Variants in EOGT observed in about 807,000 individuals in gnomAD.
The protein encoded by EOGT is EGF domain specific O-linked N-acetylglucosamine transferase, also known as EGF domain-specific O-linked N-acetylglucosamine transferase.
A neutral mutation model predicts 70.5 loss-of-function variants in EOGT; 55 were observed. The observed-to-expected ratio is 0.78, with a 90% CI of 0.63 to 0.98. The LOEUF (loss-of-function observed/expected upper bound fraction) is 0.98. Among genes scored for constraint, EOGT ranks in the 50% least tolerant of loss-of-function variants. The pLI, the probability that EOGT is intolerant of heterozygous loss-of-function variation, is 0.00. For synonymous variants in EOGT, 246 were observed against 217.1 expected (o/e 1.13, Z -1.17); for missense variants, 703 against 641.9 (o/e 1.10, Z -1.03).
At chr3:68,981,701 T>C (rs572902129) in intron 15 of EOGT, among the ~76,000 whole-genome samples, 11 of 152,270 alleles carry the variant, frequency 7.2e-5, no homozygotes, top group African/African-American at 2.4e-4. Context: ...TGTAAATATT[T>C]GGTAAGTTTT....
At chr3:69,012,432 A>C (rs2091598900) in intron 2 of EOGT, 83 bp downstream of exon 2, 1 of 152,312 alleles carries the variant, frequency 6.6e-6, no homozygotes, top group Non-Finnish European at 1.5e-5. Context: ...CCCGGTAATA[A>C]AGTCATTGTT....
Position 68,976,868 on chromosome 3 carries a change from G to A in EOGT, c.*750C>T, listed in dbSNP as rs568220048. 3.3e-5 allele frequency: 5 copies of A among 152,674 alleles called. No homozygotes were observed. Among genetic ancestry groups the A allele is most frequent in the Admixed American group, 2.6e-4 (4 of 15,288 alleles). 9.5% of individuals were successfully genotyped at this position (152,674 alleles called of 1,614,324 possible). ...TTGAAAACTTTGGTATTCCTAAAAA[G>A]AGAAAGTTCAGGGCCATGCGTGGTG... On this transcript the variant is annotated 3_prime_UTR_variant, in exon 18 of 18. Coordinates refer to ENST00000383701, the MANE Select transcript of EOGT (RefSeq NM_001278689.2).
intron 4 of EOGT, among the ~76,000 whole-genome samples, chr3:69,008,781 CA>C (rs1461116849): frequency 6.6e-6 from 1 of 152,248 alleles, no homozygotes; most frequent in Non-Finnish European, 1.5e-5. Context: ...CCTAGACGCT[CA>C]AAGACCACTT....
chr3:68,979,839 A>G (rs1361114764), intron 15 of EOGT, 52 bp from the exon 16 acceptor site: 1 of 1,562,928 alleles, frequency 6.4e-7, no homozygotes, highest in Admixed American at 1.7e-5. Flanking sequence ...GAGAAGTATT[A>G]GGTTGAGTTA....
chr3:68,992,581 G>A (rs1321534021), intron 10 of EOGT, among the ~76,000 whole-genome samples: 1 of 152,144 alleles, frequency 6.6e-6, no homozygotes, highest in Non-Finnish European at 1.5e-5. Context: ...TCTTCCAGGT[G>A]CACAGTTCAA....
intron 3 of EOGT, among the ~76,000 whole-genome samples, chr3:69,011,556 C>T (rs2091576856): frequency 6.8e-6 from 1 of 146,588 alleles, no homozygotes; most frequent in Non-Finnish European, 1.5e-5. Flanking sequence ...GATCTCGCCA[C>T]TGCACTCCAG....
Position 68,978,435 on chromosome 3 carries a change from C to T in EOGT, c.1335G>A (p.Leu445=). 1 of 1,597,262 alleles carries T rather than the reference C, an allele frequency of 6.3e-7. No homozygotes were observed. Among genetic ancestry groups the T allele is most frequent in the Non-Finnish European group, 8.5e-7 (1 of 1,173,472 alleles). The stretch of plus-strand genomic sequence containing the variant: ...AACAGCGTTCATCTTCACAGTTGTA[C>T]CTAAGGACACAAGGGTGTCACAACA... ...FLPDWAAVFE[L]YNCEDERCYL... Residue 445 remains leucine (L), a splice_region_variant and synonymous_variant, in exon 17 of 18, where the codon CTG becomes CTA. Transcript: ENST00000383701.
chr3:68,986,469 C>A (rs1326881873), intron 14 of EOGT, among the ~76,000 whole-genome samples: 1 of 152,186 alleles, frequency 6.6e-6, no homozygotes, highest in African/African-American at 2.4e-5. Flanking sequence ...TGGCCCCCTG[C>A]ACCATGCCTG....
At chr3:69,008,379 T>C (rs2091489729) in intron 5 of EOGT, 49 bp downstream of exon 5, 2 of 1,305,478 alleles carry the variant, frequency 1.5e-6, no homozygotes, top group Non-Finnish European at 2.2e-6. Context: ...CAACATACAC[T>C]GTATAGAAAG....
Position 69,008,428 on chromosome 3 carries a change from C to T in EOGT, c.311G>A (p.Trp104Ter). The change falls in exon 5 of 18, where the codon TGG (tryptophan) becomes TAG (stop). Residue 104 changes from tryptophan to a stop codon, truncating the protein, a stop_gained and splice_region_variant. Transcript: ENST00000383701. LOFTEE classifies it high-confidence loss of function. ...YPVCSYVDMG[W>*]TDTLESAEDI... ...GAGGGTATTCCATATGGAAACTTAC[C>T]ATCCCATGTCGACATAGCTGCAAAC... The T allele has an allele frequency of 1.9e-6, 3 of 1,609,478 alleles. No individual in the cohort carries two copies. The highest frequency in any genetic ancestry group is 2.6e-6 in the Non-Finnish European group (3 of 1,175,830).
intron 1 of EOGT, 29 bp from the exon 2 acceptor site, chr3:69,012,828 C>A (rs2091609393): frequency 6.6e-6 from 1 of 152,368 alleles, no homozygotes; most frequent in Admixed American, 6.5e-5. Flanking sequence ...AGGGAAACAT[C>A]TGAAAGATGA....
At chr3:68,991,476 G>A (rs2090992008) in intron 10 of EOGT, among the ~76,000 whole-genome samples, 2 of 152,156 alleles carry the variant, frequency 1.3e-5, no homozygotes, top group African/African-American at 4.8e-5. Context: ...TGTGATGGGG[G>A]GTGGAGTGGG....
intron 8 of EOGT, 93 bp from the exon 9 acceptor site, chr3:69,001,807 T>G: frequency 1.2e-6 from 1 of 838,612 alleles, no homozygotes; most frequent in Non-Finnish European, 1.9e-6. Context: ...TAGGCAGATT[T>G]TACCTCTAAA....
chr3:68,975,412 T>A lies in EOGT; in HGVS notation c.*2206A>T, dbSNP rs1234923032. Reference sequence around the variant, plus strand: ...TGTATTTTCCTGTTTATATAAAATGTATTCTCTCTTCAAATATAGCCGTTT... The same window carrying A: ...TGTATTTTCCTGTTTATATAAAATGAATTCTCTCTTCAAATATAGCCGTTT... On this transcript the variant is annotated 3_prime_UTR_variant, in exon 18 of 18. Coordinates refer to ENST00000383701, the MANE Select transcript of EOGT (RefSeq NM_001278689.2). 1 of 152,668 alleles carries A rather than the reference T, an allele frequency of 6.6e-6. No individual in the cohort carries two copies. Among genetic ancestry groups the A allele is most frequent in the Non-Finnish European group, 1.5e-5 (1 of 68,050 alleles). 9.5% of individuals were successfully genotyped at this position (152,668 alleles called of 1,614,324 possible). A position where few individuals can be genotyped will look rare whatever the true frequency, so the allele number is the denominator to read the frequency against.
chr3:69,001,508 C>G (rs2091291845), intron 9 of EOGT, 100 bp downstream of exon 9: 1 of 727,502 alleles, frequency 1.4e-6, no homozygotes, highest in Non-Finnish European at 2.2e-6. Flanking sequence ...TACTGTTTGT[C>G]ATACTGCTTC....
intron 5 of EOGT, 43 bp from the exon 6 acceptor site, chr3:69,007,864 T>A: frequency 7.2e-7 from 1 of 1,390,132 alleles, no homozygotes; most frequent in Non-Finnish European, 1.0e-6. Context: ...TCTTTTTACT[T>A]TTTTGGACCT....
rs754834319 is a variant in EOGT, at chr3:68,998,011, G to C, written c.831C>G (p.Thr277=). 3.3e-6 allele frequency: 5 copies of C among 1,504,688 alleles called. No individual in the cohort carries two copies. The highest frequency in any genetic ancestry group is 4.5e-6 in the Non-Finnish European group (5 of 1,100,848). The allele number at this position is 1,504,688 out of a possible 1,614,324, so 93.2% of individuals were successfully genotyped here. A position where few individuals can be genotyped will look rare whatever the true frequency, so the allele number is the denominator to read the frequency against. Residue 277 remains threonine (T), a splice_region_variant and synonymous_variant, in exon 10 of 18, where the codon ACC becomes ACG. Transcript: ENST00000383701. ...AAGCGGAGAGCACATTCTTACTTAC[G>C]GTGTCCCACATCACGATGTACACGT... ...STDVYIVMWD[T]SSYGYGDLFS...
Position 68,987,489 on chromosome 3 carries a change from G to A in EOGT, c.1108C>T (p.Leu370Phe), listed in dbSNP as rs772379253. ...PKDGKIRVTI[L>F]ARSTEYRKIL... Reference sequence around the variant, plus strand: ...TTCCGGTATTCTGTGCTCCGTGCAAGAATGGTGACTCGAATTTTTCCATCC... The same window carrying A: ...TTCCGGTATTCTGTGCTCCGTGCAAAAATGGTGACTCGAATTTTTCCATCC... Residue 370 changes from leucine to phenylalanine, a missense_variant, in exon 14 of 18, where the codon CTT becomes TTT. Physicochemically the swap from Leu to Phe is conservative, Grantham distance 22 (BLOSUM62 0). Transcript: ENST00000383701. The A allele has an allele frequency of 1.9e-6, 3 of 1,613,838 alleles. No individual in the cohort carries two copies. The highest frequency in any genetic ancestry group is 1.7e-6 in the Non-Finnish European group (2 of 1,179,870).
intron 5 of EOGT, 118 bp downstream of exon 5, chr3:69,008,310 T>C: frequency 1.4e-6 from 1 of 729,710 alleles, no homozygotes; most frequent in South Asian, 1.7e-5. Context: ...TGCAAGCAAA[T>C]TAATATCTAA....
Sources: allele counts gnomAD v4.1 joint callset (sites outside exome capture counted in the v4.1 genomes callset), GRCh38; gene constraint gnomAD v4.1.1; transcripts MANE v1.5; gene names NCBI Gene and HGNC (gene_info 2026-07-23, HGNC 2026-07-21).